Variants in PLEKHA6 observed in about 807,000 individuals in gnomAD.
The protein encoded by PLEKHA6 is pleckstrin homology domain containing A6.
A neutral mutation model predicts 116.7 loss-of-function variants in PLEKHA6; 60 were observed. The observed-to-expected ratio is 0.51, with a 90% CI of 0.42 to 0.64. PLEKHA6 has a LOEUF of 0.64. PLEKHA6 is among the 30% of genes least tolerant of loss of function. PLEKHA6 has a pLI of 0.00. For synonymous variants in PLEKHA6, 489 were observed against 556.1 expected, an observed-to-expected ratio of 0.88 and a Z score of 1.70; for missense variants, 1,338 against 1,422.7, an observed-to-expected ratio of 0.94 and a Z score of 0.96.
chr1:204,275,090 T>C (rs1048266178), intron 1 of PLEKHA6: 1 of 217,624 alleles, frequency 4.6e-6, no homozygotes, highest in African/African-American at 2.3e-5. Flanking sequence ...CTGAACTCTT[T>C]CAGTGGTTAT....
chr1:204,290,653 C>T (rs1167290956), intron 1 of PLEKHA6, among the ~76,000 whole-genome samples: 1 of 152,134 alleles, frequency 6.6e-6, no homozygotes, highest in African/African-American at 2.4e-5. Flanking sequence ...CAAGAAAAAT[C>T]AATAAATTGA....
chr1:204,309,064 T>C (rs549426841), intron 1 of PLEKHA6: 399 of 977,170 alleles, frequency 4.1e-4, no homozygotes, highest in Non-Finnish European at 4.7e-4. Flanking sequence ...TCATTCATTG[T>C]CTTTCTGTCA....
At chr1:204,337,568 CGTT>C (rs1672693378) in intron 1 of PLEKHA6, among the ~76,000 whole-genome samples, 1 of 152,194 alleles carries the variant, frequency 6.6e-6, no homozygotes, top group Middle Eastern at 3.4e-3. Flanking sequence ...AATGAGCTCT[CGTT>C]GGAATTAATT....
Position 204,249,282 on chromosome 1 carries a change from G to A in PLEKHA6, c.1594-18C>T, listed in dbSNP as rs1484399589. 3.8e-6 allele frequency: 6 copies of A among 1,561,766 alleles called. No homozygotes were observed. Among genetic ancestry groups the A allele is most frequent in the Middle Eastern group, 1.7e-4 (1 of 5,988 alleles). On this transcript the variant is annotated intron_variant, in intron 10 of 22. Coordinates refer to ENST00000272203, the MANE Select transcript of PLEKHA6 (RefSeq NM_014935.5). ...AGCAGCTTCTAGGGACCCAGAGAGT[G>A]GAGAAGGAGAGGGAGAAAGAAGGGG...
chr1:204,281,532 CA>C (rs60236291), intron 1 of PLEKHA6, among the ~76,000 whole-genome samples: 27,237 of 146,458 alleles, frequency 0.19, 2,599 homozygotes, highest in East Asian at 0.3. Flanking sequence ...CTCAAAAAAA[CA>C]AAAAAAACAG....
intron 1 of PLEKHA6, among the ~76,000 whole-genome samples, chr1:204,285,894 C>T (rs755687927): frequency 2.6e-5 from 4 of 152,174 alleles, no homozygotes; most frequent in Non-Finnish European, 4.4e-5. Flanking sequence ...TTTCCTTTTC[C>T]TTCCTGGATT....
chr1:204,241,351 G>T, intron 17 of PLEKHA6, 24 bp downstream of exon 17: 1 of 1,466,048 alleles, frequency 6.8e-7, no homozygotes, highest in Non-Finnish European at 9.5e-7. Context: ...GCTCAGGCCT[G>T]CATGAGCTTG....
At chr1:204,335,864 G>A (rs1672630006) in intron 1 of PLEKHA6, among the ~76,000 whole-genome samples, 2 of 152,162 alleles carry the variant, frequency 1.3e-5, no homozygotes, top group Admixed American at 6.5e-5. Flanking sequence ...CTTTGGCTCT[G>A]CCACAGCCCC....
intron 1 of PLEKHA6, among the ~76,000 whole-genome samples, chr1:204,327,223 C>T (rs912414204): frequency 9.2e-5 from 14 of 152,238 alleles, no homozygotes; most frequent in African/African-American, 2.9e-4. Context: ...CATTCTTCCT[C>T]GTTTAATGCC....
chr1:204,253,833 C>CAAAAAAA (rs5780222), intron 9 of PLEKHA6, among the ~76,000 whole-genome samples: 13 of 131,916 alleles, frequency 9.9e-5, no homozygotes, highest in Non-Finnish European at 1.6e-4. Context: ...GATCTTGTCT[C>CAAAAAAA]AAAAAAAAAA....
chr1:204,352,249 CT>C lies in PLEKHA6; in HGVS notation c.-95+7444del, dbSNP rs1444170111. 2.0e-5 allele frequency among the ~76,000 whole-genome samples: 3 copies of C among 147,910 alleles called. No individual in the cohort carries two copies. In the East Asian group the frequency reaches 6.2e-4, roughly 30 times the overall value. ...ATTAGCCCGGCATGGTGGCGCATGCCTTGTAATCCCAGCTACTCAGGAGGCT... is the reference window on the plus strand; with the variant it reads ...ATTAGCCCGGCATGGTGGCGCATGCCTGTAATCCCAGCTACTCAGGAGGCT... On this transcript the variant is annotated intron_variant, in intron 1 of 22. Coordinates refer to ENST00000272203, the MANE Select transcript of PLEKHA6 (RefSeq NM_014935.5).
chr1:204,316,659 C>A (rs1671871814), intron 1 of PLEKHA6, among the ~76,000 whole-genome samples: 1 of 152,196 alleles, frequency 6.6e-6, no homozygotes, highest in Non-Finnish European at 1.5e-5. Context: ...TCTTTTCTGG[C>A]CTCCCAGTCT....
intron 7 of PLEKHA6, among the ~76,000 whole-genome samples, chr1:204,260,936 C>G (rs1461247896): frequency 6.6e-6 from 1 of 152,190 alleles, no homozygotes; most frequent in Non-Finnish European, 1.5e-5. Context: ...CACGCTACAG[C>G]CAAGTGGACA....
intron 1 of PLEKHA6, among the ~76,000 whole-genome samples, chr1:204,301,680 G>T (rs1670836754): frequency 6.6e-6 from 1 of 152,098 alleles, no homozygotes; most frequent in Non-Finnish European, 1.5e-5. Flanking sequence ...ATTGTGAGGG[G>T]GATGATGATG....
upstream of PLEKHA6, among the ~76,000 whole-genome samples, chr1:204,363,311 C>T (rs1179560629): frequency 6.6e-6 from 1 of 152,254 alleles, no homozygotes; most frequent in Non-Finnish European, 1.5e-5. Context: ...CCTGCAACCC[C>T]TCAAGAAGCG....
upstream of PLEKHA6, chr1:204,377,953 CTT>C (rs1460860026): frequency 6.6e-6 from 1 of 152,402 alleles, no homozygotes. Context: ...GGGAGCTCCT[CTT>C]CGGACCGTTT....
chr1:204,242,511 G>A (rs927237189), intron 15 of PLEKHA6, among the ~76,000 whole-genome samples: 5 of 152,168 alleles, frequency 3.3e-5, no homozygotes, highest in African/African-American at 1.2e-4. Flanking sequence ...AAACCTAGAT[G>A]AGCATATGAG....
In PLEKHA6 at chr1:204,267,591, C is replaced by T. The variant is rs371898740; in HGVS notation, c.208-44G>A. On this transcript the variant is annotated intron_variant, in intron 4 of 22. Coordinates refer to ENST00000272203, the MANE Select transcript of PLEKHA6 (RefSeq NM_014935.5). ...GCAGATGTGAGGGCTGCAAGCTGGA[C>T]GTGGACGAGGAGATGGGATGCAGGG... 4.7e-5 allele frequency: 72 copies of T among 1,537,504 alleles called. 1 individual carries two copies. The highest frequency in any genetic ancestry group is 2.3e-4 in the South Asian group (21 of 89,412).
intron 17 of PLEKHA6, among the ~76,000 whole-genome samples, chr1:204,236,759 C>T (rs747490284): frequency 6.6e-6 from 1 of 152,044 alleles, no homozygotes; most frequent in Non-Finnish European, 1.5e-5. Flanking sequence ...TACTGCATTC[C>T]TACTTAATTT....
Sources: gnomAD v4.1 joint callset for allele counts (sites outside exome capture counted in the v4.1 genomes callset) on GRCh38, gnomAD v4.1.1 for gene constraint, MANE v1.5 for transcripts, NCBI Gene and HGNC (gene_info 2026-07-23, HGNC 2026-07-21) for gene names.